The following BOC variants were observed in gnomAD, a reference collection of about 807,000 sequenced individuals.
BOC encodes brother of CDO.
In BOC, 76 loss-of-function variants were observed where a neutral mutation model predicts 112.0. That is an observed-to-expected ratio of 0.68 (90% CI 0.56 to 0.82). The LOEUF is 0.82. Among genes scored for constraint, BOC ranks in the 40% least tolerant of loss-of-function variants. BOC has a pLI of 0.00. For synonymous variants in BOC, 580 were observed against 599.8 expected, an observed-to-expected ratio of 0.97 and a Z score of 0.48; for missense variants, 1,309 against 1,511.7, an observed-to-expected ratio of 0.87 and a Z score of 2.22.
At chr3:113,218,952 G>T (rs1365707693) in intron 2 of BOC, among the ~76,000 whole-genome samples, 1 of 152,212 alleles carries the variant, frequency 6.6e-6, no homozygotes, top group Non-Finnish European at 1.5e-5. Context: ...TTCTATAGGT[G>T]GGTTTTGCAT....
chr3:113,273,607 C>G (rs1002362887), intron 8 of BOC, among the ~76,000 whole-genome samples: 1 of 152,218 alleles, frequency 6.6e-6, no homozygotes, highest in Non-Finnish European at 1.5e-5. Flanking sequence ...AAAAGCCAGT[C>G]TGTCCTTCTC....
chr3:113,253,433 C>T (rs1319464476), intron 4 of BOC, among the ~76,000 whole-genome samples: 4 of 150,108 alleles, frequency 2.7e-5, no homozygotes, highest in African/African-American at 9.8e-5. Flanking sequence ...AATAGCCAGG[C>T]GTGGTGGCGT....
In BOC at chr3:113,279,981, G is replaced by T; in HGVS notation, c.2181G>T (p.Glu727Asp). ...TCACCTTCACGGATGCGGTCAATGA[G>T]ACCACCATCATGCTCAAGTGGATGG... is the stretch of plus-strand genomic sequence containing the variant. Reference protein sequence around the residue: ...PYITFTDAVNETTIMLKWMYI... With the variant: ...PYITFTDAVNDTTIMLKWMYI... Residue 727 changes from glutamate to aspartate, a missense_variant, in exon 13 of 20, where the codon GAG becomes GAT. Transcript: ENST00000682979. The T allele has an allele frequency of 6.2e-7, 1 of 1,611,268 alleles. No individual in the cohort carries two copies. Among genetic ancestry groups the T allele is most frequent in the Non-Finnish European group, 8.5e-7 (1 of 1,178,490 alleles).
chr3:113,284,631 T>G, intron 17 of BOC, 64 bp downstream of exon 17: 1 of 1,548,652 alleles, frequency 6.5e-7, no homozygotes, highest in Non-Finnish European at 8.8e-7. Context: ...CTGGGCTGCC[T>G]TGGGGGGCCT....
At chr3:113,258,556 A>C (rs1182438564) in intron 4 of BOC, among the ~76,000 whole-genome samples, 1 of 152,242 alleles carries the variant, frequency 6.6e-6, no homozygotes, top group Admixed American at 6.5e-5. Flanking sequence ...TCCAAATTGG[A>C]AAAACATTTA....
chr3:113,231,015 T>C (rs1942526489), intron 2 of BOC, among the ~76,000 whole-genome samples: 1 of 152,198 alleles, frequency 6.6e-6, no homozygotes, highest in South Asian at 2.1e-4. Flanking sequence ...TTAGGGGAAG[T>C]GTTCTTTATA....
At chr3:113,238,997 T>C (rs1300655241) in intron 2 of BOC, among the ~76,000 whole-genome samples, 1 of 152,200 alleles carries the variant, frequency 6.6e-6, no homozygotes, top group Non-Finnish European at 1.5e-5. Context: ...CCAATGCTGT[T>C]CAATAAATTA....
At chr3:113,241,701 G>A (rs113221006) in intron 2 of BOC, among the ~76,000 whole-genome samples, 12 of 152,308 alleles carry the variant, frequency 7.9e-5, no homozygotes, top group South Asian at 2.1e-4. Flanking sequence ...ATTAAGCTCC[G>A]TTCTGCCTGT....
Position 113,283,415 on chromosome 3 carries a change from G to T in BOC, c.2439G>T (p.Arg813=). 1 of 1,596,792 alleles carries T rather than the reference G, an allele frequency of 6.3e-7. No individual in the cohort carries two copies. Among genetic ancestry groups the T allele is most frequent in the Non-Finnish European group, 8.6e-7 (1 of 1,166,820 alleles). The stretch of plus-strand genomic sequence containing the variant: ...GAGTTTTGTCCACAATTACAGCTCG[G>T]AAGTCTTCTGGCCAGCCTGGTCGAC... ...SNVMICETKA[R]KSSGQPGRLP... is the part of the protein sequence containing the mutation. Residue 813 remains arginine (R), a synonymous_variant, in exon 16 of 20, where the codon CGG becomes CGT. Transcript: ENST00000682979.
intron 2 of BOC, among the ~76,000 whole-genome samples, chr3:113,222,092 A>G (rs1407004646): frequency 3.3e-5 from 5 of 152,090 alleles, no homozygotes; most frequent in Non-Finnish European, 7.4e-5. Context: ...CACTCCCACC[A>G]TCATTCTCTC....
chr3:113,249,022 G>A (rs1474456603), intron 2 of BOC, among the ~76,000 whole-genome samples: 1 of 152,104 alleles, frequency 6.6e-6, no homozygotes, highest in Non-Finnish European at 1.5e-5. Flanking sequence ...GAAAGTGAGG[G>A]GTCTTGGCTG....
chr3:113,226,471 C>T (rs376206569), intron 2 of BOC, among the ~76,000 whole-genome samples: 1 of 152,234 alleles, frequency 6.6e-6, no homozygotes, highest in East Asian at 1.9e-4. Context: ...AAAAGCCAGC[C>T]TCCAAGCCAT....
At chr3:113,285,639 G>GT (rs1949612563) in intron 19 of BOC, 74 bp downstream of exon 19, 33 of 1,371,094 alleles carry the variant, frequency 2.4e-5, no homozygotes, top group Non-Finnish European at 3.2e-5. Flanking sequence ...CAAGCCAGTA[G>GT]TAACAGTCTT....
At chr3:113,261,061 G>A (rs1946820948) in intron 4 of BOC, among the ~76,000 whole-genome samples, 3 of 152,160 alleles carry the variant, frequency 2.0e-5, no homozygotes, top group South Asian at 2.1e-4. Context: ...GCTGATGGGA[G>A]TATGCAGTTT....
chr3:113,271,902 A>T (rs2107656180), intron 6 of BOC: 1 of 168,464 alleles, frequency 5.9e-6, no homozygotes, highest in Non-Finnish European at 1.3e-5. Context: ...AATATGAGAA[A>T]TGCATGTGTT....
At chr3:113,280,785 T>A in intron 14 of BOC, 122 bp downstream of exon 14, 1 of 906,854 alleles carries the variant, frequency 1.1e-6, no homozygotes, top group Non-Finnish European at 1.8e-6. Flanking sequence ...CACGAAGCTC[T>A]AAGCTCCGTG....
At chr3:113,252,422 T>C (rs1179889266) in intron 4 of BOC, among the ~76,000 whole-genome samples, 1 of 152,158 alleles carries the variant, frequency 6.6e-6, no homozygotes, top group Non-Finnish European at 1.5e-5. Context: ...TGCTACATCA[T>C]GGGGCTTACC....
Position 113,278,362 on chromosome 3 carries a change from G to A in BOC, c.1705+105G>A. ...TCACCTTGCCCCAGCTGTTCACCTT[G>A]AACTTCATCTTTCCTTCCAGCTACT... On this transcript the variant is annotated intron_variant, in intron 10 of 19. Transcript: ENST00000682979. The surrounding 1 kb of genome is among the most constrained non-coding windows in gnomAD (Gnocchi z 4.2). 1.6e-6 allele frequency: 2 copies of A among 1,282,024 alleles called. No homozygotes were observed. The highest frequency in any genetic ancestry group is 2.1e-5 in the Admixed American group (1 of 47,666). The allele number at this position is 1,282,024 out of a possible 1,614,324, so 79.4% of individuals were successfully genotyped here.
At chr3:113,259,341 G>C (rs373482134) in intron 4 of BOC, among the ~76,000 whole-genome samples, 19 of 152,184 alleles carry the variant, frequency 1.2e-4, no homozygotes, top group African/African-American at 4.6e-4. Flanking sequence ...AAAAGGGAAG[G>C]GCTGTGTAGT....
Sources: gnomAD v4.1 joint callset for allele counts (sites outside exome capture counted in the v4.1 genomes callset) on GRCh38, gnomAD v4.1.1 for gene constraint, Gnocchi (gnomAD v3.1) non-coding constraint, MANE v1.5 for transcripts, NCBI Gene and HGNC (gene_info 2026-07-23, HGNC 2026-07-21) for gene names.